PCM1: variants seen among roughly 807,000 people sequenced by gnomAD.
PCM1 encodes the protein pericentriolar material 1 protein.
A neutral mutation model predicts 241.9 loss-of-function variants in PCM1; 157 were observed. The observed-to-expected ratio is 0.65, with a 90% CI of 0.57 to 0.74. PCM1 has a LOEUF of 0.74. Ranked by LOEUF, PCM1 falls within the 30% of genes least tolerant of loss-of-function variation. The probability of loss-of-function intolerance (pLI) is 0.00; values close to 1 mark genes in which losing one functional copy is unlikely to be tolerated. For missense variants in PCM1, 3,478 were observed against 2,360.1 expected (o/e 1.47, Z -9.81); for synonymous variants, 1,085 against 784.9 (o/e 1.38, Z -6.39).
intron 7 of PCM1, among the ~76,000 whole-genome samples, chr8:17,949,593 G>A (rs1393446861): frequency 1.3e-5 from 2 of 151,014 alleles, no homozygotes; most frequent in Admixed American, 1.3e-4. Context: ...TGCCTCGCAG[G>A]TTCAAGTGAT....
At chr8:17,992,226 A>G (rs935091751) in intron 28 of PCM1, among the ~76,000 whole-genome samples, 1 of 152,148 alleles carries the variant, frequency 6.6e-6, no homozygotes, top group African/African-American at 2.4e-5. Context: ...TATCTTTTTC[A>G]TATAATGACT....
chr8:17,945,714 G>C (rs539787148), intron 6 of PCM1, among the ~76,000 whole-genome samples: 1 of 152,274 alleles, frequency 6.6e-6, no homozygotes, highest in African/African-American at 2.4e-5. Flanking sequence ...CCAGAAGGGA[G>C]TTTCTCTTGA....
chr8:17,944,917 T>C (rs1365608939), intron 6 of PCM1, among the ~76,000 whole-genome samples: 1 of 152,188 alleles, frequency 6.6e-6, no homozygotes. Context: ...TATGATTAGG[T>C]TATCACAGTT....
intron 36 of PCM1, among the ~76,000 whole-genome samples, chr8:18,016,575 A>ATAAT (rs1289677534): frequency 2.0e-5 from 3 of 152,238 alleles, no homozygotes; most frequent in Non-Finnish European, 4.4e-5. Flanking sequence ...TCTAAAAGAC[A>ATAAT]TAATTCCAAA....
chr8:17,925,333 G>C (rs1029887669), intron 2 of PCM1: 1 of 152,146 alleles, frequency 6.6e-6, no homozygotes, highest in Non-Finnish European at 1.5e-5. Context: ...TCTCTGTCCA[G>C]CAGAATAAAG....
chr8:17,957,243 A>G (rs982232478), intron 11 of PCM1, 21 bp from the exon 12 acceptor site: 4 of 1,564,048 alleles, frequency 2.6e-6, no homozygotes, highest in Non-Finnish European at 1.7e-6. Flanking sequence ...AAATGACTTC[A>G]GGCTGTTTTC....
intron 29 of PCM1, 25 bp downstream of exon 29, chr8:17,993,644 AC>A (rs1425053623): frequency 1.3e-6 from 2 of 1,547,654 alleles, no homozygotes; most frequent in African/African-American, 2.7e-5. Context: ...TAAAAAATAA[AC>A]GAAACCTTCT....
chr8:17,925,975 A>G (rs2056790494), intron 2 of PCM1: 1 of 151,898 alleles, frequency 6.6e-6, no homozygotes, highest in Non-Finnish European at 1.5e-5. Flanking sequence ...GTTGATGTAT[A>G]TCTTAATTAT....
intron 3 of PCM1, among the ~76,000 whole-genome samples, chr8:17,936,760 C>T (rs1322465460): frequency 2.6e-5 from 4 of 151,980 alleles, no homozygotes; most frequent in African/African-American, 4.8e-5. Flanking sequence ...CTTTTTGATA[C>T]GTACTGACTT....
chr8:17,939,780 T>C lies in PCM1; in HGVS notation c.702T>C (p.Ala234=). The C allele has an allele frequency of 6.5e-7, 1 of 1,547,208 alleles. No homozygotes were observed. The highest frequency in any genetic ancestry group is 1.2e-5 in the South Asian group (1 of 84,472). Residue 234 remains alanine, a synonymous_variant, in exon 6 of 39, where the codon GCT becomes GCC. Transcript: ENST00000325083. ...TTGTAGAGAAAAATGAGAGATCTGCTAATGTTGAGCGCCTTACTCATCTAA... is the reference window on the plus strand; with the variant it reads ...TTGTAGAGAAAAATGAGAGATCTGCCAATGTTGAGCGCCTTACTCATCTAA... ...EDLVEKNERS[A]NVERLTHLID...
At chr8:18,016,730 T>C (rs1256754153) in intron 36 of PCM1, among the ~76,000 whole-genome samples, 5 of 152,204 alleles carry the variant, frequency 3.3e-5, no homozygotes, top group Non-Finnish European at 7.3e-5. Context: ...CCTCTAATTA[T>C]TCTGAGTCCA....
At position 17,953,068 on chromosome 8, in the gene PCM1, T is replaced by G; in HGVS notation, c.1170T>G (p.Pro390=). ...SRKPSASERL[P]DEKVELFSKM... ...AACCATCAGCTTCAGAACGTTTACC[T>G]GATGAGAAAGTCGAACTTTTTAGCA... is the stretch of plus-strand genomic sequence containing the variant. The change falls in exon 9 of 39, where the codon CCT becomes CCG. Residue 390 remains proline, a synonymous_variant. Transcript: ENST00000325083. 1 of 1,606,424 alleles carries G rather than the reference T, an allele frequency of 6.2e-7. No individual in the cohort carries two copies. The highest frequency in any genetic ancestry group is 8.5e-7 in the Non-Finnish European group (1 of 1,175,920).
intron 29 of PCM1, among the ~76,000 whole-genome samples, chr8:17,999,776 T>G (rs764507157): frequency 1.3e-5 from 2 of 152,140 alleles, no homozygotes; most frequent in Non-Finnish European, 2.9e-5. Flanking sequence ...TAAAATTTGG[T>G]GTTCCAGAAG....
chr8:17,996,580 A>G (rs927754049), intron 29 of PCM1, among the ~76,000 whole-genome samples: 2 of 151,580 alleles, frequency 1.3e-5, no homozygotes, highest in Non-Finnish European at 2.9e-5. Context: ...TTTTATTTCA[A>G]TTTCATTTAT....
At chr8:17,991,137 C>G (rs1274233606) in intron 27 of PCM1, among the ~76,000 whole-genome samples, 1 of 151,330 alleles carries the variant, frequency 6.6e-6, no homozygotes, top group African/African-American at 2.4e-5. Context: ...TTTTTCTTAC[C>G]TAATTTGCTT....
At chr8:18,003,489 T>C (rs1297999736) in intron 29 of PCM1, among the ~76,000 whole-genome samples, 1 of 152,210 alleles carries the variant, frequency 6.6e-6, no homozygotes, top group Non-Finnish European at 1.5e-5. Context: ...TCTCCTGTTT[T>C]TCAGGAGCCA....
At chr8:17,980,424 A>C in intron 23 of PCM1, 167 bp from the exon 24 acceptor site, 1 of 482,206 alleles carries the variant, frequency 2.1e-6, no homozygotes, top group Non-Finnish European at 3.6e-6. Context: ...TCCAAAGGGT[A>C]TTGCAAAGAT....
rs1428647079 is a variant in PCM1 at position 18,011,220 on chromosome 8, A to C, written c.5221-17A>C. On this transcript the variant is annotated splice_polypyrimidine_tract_variant and intron_variant, in intron 32 of 38. Transcript: ENST00000325083. ...TGTACTTTAAGGAATTAATTACTCA[A>C]ATATTTTTGTGTCTAGGACAAGGAT... The C allele has an allele frequency of 1.3e-6, 2 of 1,577,700 alleles. No homozygotes were observed. Among genetic ancestry groups the C allele is most frequent in the South Asian group, 1.2e-5 (1 of 84,724 alleles).
At position 18,020,535 on chromosome 8, in the gene PCM1, G is replaced by C. The variant is rs2093667845; in HGVS notation, c.5842-4826G>C. ...TCTGAACAATAGGAAGACCAAAACT[G>C]TGTGTGTGGTATCATAACTATTGAC... is the stretch of plus-strand genomic sequence containing the variant. On this transcript the variant is annotated intron_variant, in intron 36 of 38. Transcript: ENST00000325083. 2.0e-5 allele frequency among the ~76,000 whole-genome samples: 3 copies of C among 152,076 alleles called. No homozygotes were observed. The South Asian group carries it at 6.2e-4, about 32-fold the overall frequency.
Sources: gnomAD v4.1 joint callset for allele counts (sites outside exome capture counted in the v4.1 genomes callset) on GRCh38, gnomAD v4.1.1 for gene constraint, MANE v1.5 for transcripts, NCBI Gene and HGNC (gene_info 2026-07-23, HGNC 2026-07-21) for gene names.